The following DIAPH2 variants were observed in gnomAD, a reference collection of about 807,000 sequenced individuals.
DIAPH2 encodes the protein diaphanous related formin 2.
A neutral mutation model predicts 92.7 loss-of-function variants in DIAPH2; 35 were observed. That is an observed-to-expected ratio of 0.38 (90% confidence interval 0.29 to 0.50). The LOEUF is 0.50. Among genes scored for constraint, DIAPH2 ranks in the 20% least tolerant of loss-of-function variants. The pLI is 0.94. For synonymous variants in DIAPH2, 301 were observed against 280.4 expected (o/e 1.07, Z -0.73); for missense variants, 701 against 819.5 (o/e 0.86, Z 1.77).
chrX:96,983,289 TAG>T (rs2147842113), intron 17 of DIAPH2, among the ~76,000 whole-genome samples: 1 of 111,295 alleles, frequency 9.0e-6, no homozygotes, highest in East Asian at 2.8e-4. Context: ...GGGGCTGGGA[TAG>T]AGTTTGTGGC....
chrX:97,453,668 A>G (rs1380058816), intron 26 of DIAPH2, among the ~76,000 whole-genome samples: 5 of 111,858 alleles, frequency 4.5e-5, no homozygotes, highest in African/African-American at 6.5e-5. Context: ...TGTTTGACCT[A>G]TGAAAATATT....
At chrX:97,160,371 G>T (rs1018151170) in intron 22 of DIAPH2, among the ~76,000 whole-genome samples, 3 of 112,481 alleles carry the variant, frequency 2.7e-5, no homozygotes, top group African/African-American at 6.5e-5. Context: ...TCCTGGGGTG[G>T]TAAGTAGAAA....
chrX:97,105,341 A>T (rs1478582992), intron 20 of DIAPH2, among the ~76,000 whole-genome samples: 4 of 111,114 alleles, frequency 3.6e-5, no homozygotes, highest in African/African-American at 1.3e-4. Context: ...AAACCCAGAG[A>T]CTTTTCCTCT....
intron 1 of DIAPH2, among the ~76,000 whole-genome samples, chrX:96,695,017 G>A (rs928784793): frequency 1.9e-5 from 2 of 103,915 alleles, no homozygotes; most frequent in Admixed American, 1.1e-4. Context: ...GCATGATTTC[G>A]GCTCACTGCA....
At chrX:96,721,791 G>A (rs2147550310) in intron 1 of DIAPH2, among the ~76,000 whole-genome samples, 1 of 111,509 alleles carries the variant, frequency 9.0e-6, no homozygotes, top group South Asian at 3.8e-4. Context: ...ACATTATATG[G>A]TTCTGTTTTT....
chrX:97,275,578 A>G (rs370283117), intron 23 of DIAPH2, among the ~76,000 whole-genome samples: 16 of 87,592 alleles, frequency 1.8e-4, no homozygotes, highest in South Asian at 6.3e-4. Flanking sequence ...GCTGCCGGGC[A>G]GAGGGGCTCC....
In DIAPH2 at chrX:96,965,300, CT is replaced by C. The variant is rs111810310; in HGVS notation, c.2050+97del. On this transcript the variant is annotated intron_variant, in intron 17 of 26. Transcript: ENST00000324765. ...ATTTCTAGTAATGGGTATATGTATA[CT>C]TTTCCCACACTGGACAGGGTGAAAC... The C allele has an allele frequency of 5.2e-4, 278 of 529,524 alleles. 2 individuals carry two copies. In the African/African-American group the frequency reaches 6.3e-3, roughly 12 times the overall value. 43.6% of individuals were successfully genotyped at this position (529,524 alleles called of 1,213,427 possible).
chrX:96,947,528 G>T (rs2065745816), intron 14 of DIAPH2, among the ~76,000 whole-genome samples: 1 of 110,943 alleles, frequency 9.0e-6, no homozygotes, highest in Non-Finnish European at 1.9e-5. Context: ...TTTGGGCCAG[G>T]ATCTGTGGGA....
chrX:96,779,042 T>C (rs2064397564), intron 4 of DIAPH2, among the ~76,000 whole-genome samples: 1 of 112,405 alleles, frequency 8.9e-6, no homozygotes, highest in African/African-American at 3.2e-5. Context: ...ACATTTCACA[T>C]GGTTTTAAAA....
intron 26 of DIAPH2, among the ~76,000 whole-genome samples, chrX:97,505,624 G>T (rs2070826703): frequency 9.2e-6 from 1 of 108,733 alleles, no homozygotes; most frequent in African/African-American, 3.4e-5. Flanking sequence ...GATCACTGAA[G>T]CATAATGCAG....
chrX:97,095,486 A>G (rs2066862110), intron 19 of DIAPH2, among the ~76,000 whole-genome samples: 1 of 107,748 alleles, frequency 9.3e-6, no homozygotes, highest in Admixed American at 1.0e-4. Flanking sequence ...AAGACATTAC[A>G]TATATATATA....
At chrX:97,014,696 G>T (rs753342998) in intron 17 of DIAPH2, among the ~76,000 whole-genome samples, 29 of 111,986 alleles carry the variant, frequency 2.6e-4, no homozygotes, top group African/African-American at 7.8e-4. Context: ...CAATGAAAAC[G>T]CGTCAGTGTG....
chrX:97,411,701 G>C (rs1419925064), intron 25 of DIAPH2, among the ~76,000 whole-genome samples: 1 of 111,910 alleles, frequency 8.9e-6, no homozygotes, highest in Non-Finnish European at 1.9e-5. Flanking sequence ...TAAAGGGACA[G>C]AGGAAGATCT....
At chrX:96,901,530 C>CTTTT (rs2065394628) in intron 5 of DIAPH2, among the ~76,000 whole-genome samples, 1 of 37,816 alleles carries the variant, frequency 2.6e-5, no homozygotes, top group Non-Finnish European at 5.0e-5. Flanking sequence ...TCTTTTCTTT[C>CTTTT]TGTTTTTTTT....
intron 26 of DIAPH2, among the ~76,000 whole-genome samples, chrX:97,495,605 A>T (rs1045337219): frequency 8.9e-6 from 1 of 111,942 alleles, no homozygotes; most frequent in Non-Finnish European, 1.9e-5. Context: ...TGACAGTAAA[A>T]AATTCCCAAG....
At chrX:97,455,190 T>A (rs2070393577) in intron 26 of DIAPH2, among the ~76,000 whole-genome samples, 1 of 112,242 alleles carries the variant, frequency 8.9e-6, no homozygotes, top group African/African-American at 3.2e-5. Context: ...TCTGGATAGC[T>A]GAGATCCTAT....
chrX:97,284,524 C>T (rs751589274), intron 23 of DIAPH2, among the ~76,000 whole-genome samples: 2 of 108,571 alleles, frequency 1.8e-5, no homozygotes, highest in African/African-American at 6.7e-5. Flanking sequence ...GTAAGAGAAT[C>T]GCTTGAACCC....
chrX:97,591,608 C>T (rs1019082658), intron 26 of DIAPH2, among the ~76,000 whole-genome samples: 2 of 112,377 alleles, frequency 1.8e-5, no homozygotes, highest in African/African-American at 6.5e-5. Flanking sequence ...AAGCCACTAT[C>T]ATAGACACCT....
At chrX:97,357,329 C>A (rs2069276874) in intron 24 of DIAPH2, among the ~76,000 whole-genome samples, 1 of 111,557 alleles carries the variant, frequency 9.0e-6, no homozygotes, top group Admixed American at 9.6e-5. Flanking sequence ...TCTGCTTCAT[C>A]CTGTTTTGTT....
Sources: gnomAD v4.1 joint callset for allele counts (sites outside exome capture counted in the v4.1 genomes callset) on GRCh38, gnomAD v4.1.1 for gene constraint, MANE v1.5 for transcripts, NCBI Gene and HGNC (gene_info 2026-07-23, HGNC 2026-07-21) for gene names.